The following CFAP99 variants were observed in gnomAD, a reference collection of about 807,000 sequenced individuals.
CFAP99 encodes the protein cilia- and flagella-associated protein 99.
In CFAP99, 84 loss-of-function variants were observed where a neutral mutation model predicts 82.7. The observed-to-expected ratio is 1.02, with a 90% CI of 0.85 to 1.22. The LOEUF is 1.22. Ranked by LOEUF, CFAP99 falls within the 50% of genes most tolerant of loss-of-function variation. CFAP99 has a pLI of 0.00. For missense variants in CFAP99, 1,059 were observed against 983.5 expected, an observed-to-expected ratio of 1.08 and a Z score of -1.03; for synonymous variants, 456 against 429.5, an observed-to-expected ratio of 1.06 and a Z score of -0.76.
chr4:2,450,480 G>T (rs1163919848), intron 8 of CFAP99: 1 of 275,964 alleles, frequency 3.6e-6, no homozygotes, highest in African/African-American at 2.2e-5. Flanking sequence ...CCGCGGGGCT[G>T]CAATGACCGA....
At chr4:2,438,505 G>A (rs1033146149) in intron 4 of CFAP99, among the ~76,000 whole-genome samples, 20 of 151,928 alleles carry the variant, frequency 1.3e-4, no homozygotes, top group Non-Finnish European at 2.5e-4. Context: ...CTCGTGATCC[G>A]CCCGCCTCGG....
At chr4:2,442,700 T>G (rs1265548150) in intron 4 of CFAP99, among the ~76,000 whole-genome samples, 1 of 152,118 alleles carries the variant, frequency 6.6e-6, no homozygotes, top group Non-Finnish European at 1.5e-5. Flanking sequence ...CCCTCCAAGC[T>G]GAGGATGTGC....
At chr4:2,460,748 T>C (rs1734603044) in intron 14 of CFAP99, among the ~76,000 whole-genome samples, 1 of 152,138 alleles carries the variant, frequency 6.6e-6, no homozygotes, top group Non-Finnish European at 1.5e-5. Flanking sequence ...CAACTGTTTT[T>C]TGTTTTTGTT....
At chr4:2,460,430 A>G (rs1039485644) in intron 14 of CFAP99, among the ~76,000 whole-genome samples, 188 bp downstream of exon 14, 1 of 152,192 alleles carries the variant, frequency 6.6e-6, no homozygotes, top group African/African-American at 2.4e-5. Context: ...GAATGGTGCA[A>G]AATTCTGCAT....
intron 6 of CFAP99, among the ~76,000 whole-genome samples, chr4:2,447,666 T>C (rs1029062182): frequency 2.0e-5 from 3 of 147,720 alleles, no homozygotes; most frequent in African/African-American, 2.5e-5. Context: ...GATGGATGGA[T>C]GGACGGATTG....
At position 2,447,867 on chromosome 4, in the gene CFAP99, GGATA is replaced by G. The variant is rs1432898482; in HGVS notation, c.643-1795_643-1792del. 8.7e-5 allele frequency among the ~76,000 whole-genome samples: 13 copies of G among 149,192 alleles called. No individual in the cohort carries two copies. The East Asian group carries it at 1.2e-3, about 14-fold the overall frequency. ...ATGGATGGATGGATGATTAGATTAT[GGATA>G]GATAGATGGATGATGACATGGGTGA... On this transcript the variant is annotated intron_variant, in intron 6 of 14. Transcript: ENST00000635017.
intron 13 of CFAP99, among the ~76,000 whole-genome samples, chr4:2,459,782 G>A (rs1381480178): frequency 1.3e-5 from 2 of 152,220 alleles, no homozygotes; most frequent in Admixed American, 1.3e-4. Flanking sequence ...TGGCTGGGGA[G>A]ATAGTCATGA....
At chr4:2,459,964 G>C in intron 13 of CFAP99, 73 bp from the exon 14 acceptor site, 2 of 1,388,510 alleles carry the variant, frequency 1.4e-6, no homozygotes, top group Non-Finnish European at 9.9e-7. Flanking sequence ...TATGGAACAG[G>C]GGAGGGATCC....
In CFAP99 at chr4:2,436,886, C is replaced by T; in HGVS notation, c.124C>T (p.Gln42Ter). 2.6e-6 allele frequency: 4 copies of T among 1,536,032 alleles called. No homozygotes were observed. The highest frequency in any genetic ancestry group is 3.5e-6 in the Non-Finnish European group (4 of 1,146,838). Residue 42 changes from glutamine (Q) to a stop codon, truncating the protein, a stop_gained, in exon 3 of 15, where the codon CAG (glutamine) becomes TAG (stop). Transcript: ENST00000635017. LOFTEE classifies it high-confidence loss of function. ...GTCTCTCTTCCAGGCTCTGAGCCCC[C>T]AGAAGCAGAGCTTTGTTTTGGAGGT...
chr4:2,462,604 G>A lies in CFAP99; in HGVS notation c.1823G>A (p.Arg608Gln), dbSNP rs1441015725. The A allele has an allele frequency of 2.8e-6, 4 of 1,406,188 alleles. No homozygotes were observed. Among genetic ancestry groups the A allele is most frequent in the South Asian group, 1.5e-5 (1 of 66,694 alleles). 87.1% of individuals were successfully genotyped at this position (1,406,188 alleles called of 1,614,324 possible). The change falls in exon 15 of 15, where the codon CGG (arginine) becomes CAG (glutamine). Residue 608 changes from arginine to glutamine, a missense_variant. Coordinates refer to ENST00000635017, the Ensembl canonical transcript of CFAP99. The surrounding 1 kb of genome is among the most constrained non-coding windows in gnomAD (Gnocchi z 4.1). The stretch of plus-strand genomic sequence containing the variant: ...CCGCGGACCGCGCGCCCCAAGCCCC[G>A]GGTGAGTCCGGATTGGTGGGAGGAG...
At chr4:2,426,063 C>T (rs752037967) in intron 1 of CFAP99, among the ~76,000 whole-genome samples, 13 of 152,214 alleles carry the variant, frequency 8.5e-5, no homozygotes, top group Admixed American at 3.9e-4. Context: ...GAGGCTGTTT[C>T]GAGAGGTGCC....
chr4:2,434,191 C>T (rs936623952), intron 2 of CFAP99, among the ~76,000 whole-genome samples: 2 of 152,150 alleles, frequency 1.3e-5, no homozygotes, highest in South Asian at 2.1e-4. Flanking sequence ...CCCCAGTATC[C>T]GGGAAAGGCC....
Position 2,434,826 on chromosome 4 carries a change from A to G in CFAP99, c.112-2048A>G, listed in dbSNP as rs1733876022. 1.3e-5 allele frequency among the ~76,000 whole-genome samples: 2 copies of G among 152,222 alleles called. 1 individual carries two copies. The highest frequency in any genetic ancestry group is 4.8e-5 in the African/African-American group (2 of 41,460). On this transcript the variant is annotated intron_variant, in intron 2 of 14. Transcript: ENST00000635017. Reference sequence around the variant, plus strand: ...AGAGCTGCTGAAGCCTGTAGTTCTCAGGCCTCCAGCCCCTGCACTGCAGGG... The same window carrying G: ...AGAGCTGCTGAAGCCTGTAGTTCTCGGGCCTCCAGCCCCTGCACTGCAGGG...
intron 14 of CFAP99, among the ~76,000 whole-genome samples, chr4:2,461,435 AGGG>A (rs1734618426): frequency 6.6e-6 from 1 of 152,180 alleles, no homozygotes; most frequent in South Asian, 2.1e-4. Flanking sequence ...TGGTCCTTGG[AGGG>A]GCCGCTGCTC....
At position 2,460,089 on chromosome 4, in the gene CFAP99, G is replaced by A. The variant is rs536244582; in HGVS notation, c.1508G>A (p.Arg503Gln). 1.1e-4 allele frequency: 162 copies of A among 1,536,082 alleles called. No homozygotes were observed. The highest frequency in any genetic ancestry group is 1.7e-4 in the Middle Eastern group (1 of 5,988). Reference sequence around the variant, plus strand: ...ATGTCCATAGTGGAGCTGCGAGAGCGGCTGGCCCTGCTCAAAGAGAATCAG... The same window carrying A: ...ATGTCCATAGTGGAGCTGCGAGAGCAGCTGGCCCTGCTCAAAGAGAATCAG... Residue 503 changes from arginine to glutamine, a missense_variant, in exon 14 of 15, where the codon CGG (arginine) becomes CAG (glutamine). By Grantham distance (43) the Arg-to-Gln change is conservative. Coordinates refer to ENST00000635017, the Ensembl canonical transcript of CFAP99.
At chr4:2,449,131 C>T (rs1017632635) in intron 6 of CFAP99, among the ~76,000 whole-genome samples, 15 of 152,106 alleles carry the variant, frequency 9.9e-5, no homozygotes, top group South Asian at 4.1e-4. Context: ...ATATCTAGGC[C>T]GGCCCCCTCC....
rs1465843989 is a variant in CFAP99 at position 2,438,108 on chromosome 4, G to A, written c.295G>A (p.Gly99Ser). The A allele has an allele frequency of 1.6e-5, 25 of 1,535,566 alleles. 1 individual carries two copies. In the East Asian group the frequency reaches 1.7e-4, roughly 11 times the overall value. Residue 99 changes from glycine to serine, a missense_variant, in exon 4 of 15, where the codon GGC becomes AGC. Physicochemically the swap from Gly to Ser is moderately conservative, Grantham distance 56. Coordinates refer to ENST00000635017, the Ensembl canonical transcript of CFAP99. ...AGCCACATTCCTGCTGGAGGAACTC[G>A]GCTTCCAGCTATTCTGTAACATCAT...
At chr4:2,422,492 CA>C (rs1274920945) in intron 1 of CFAP99, among the ~76,000 whole-genome samples, 1 of 152,170 alleles carries the variant, frequency 6.6e-6, no homozygotes, top group Non-Finnish European at 1.5e-5. Flanking sequence ...TTTGCATCAC[CA>C]AAGGGTACCT....
intron 2 of CFAP99, chr4:2,428,697 G>GC (rs1394410806): frequency 1.3e-5 from 2 of 152,684 alleles, no homozygotes; most frequent in Non-Finnish European, 2.9e-5. Context: ...TCACCTGGCA[G>GC]CCACTCCTTC....
Sources: allele counts gnomAD v4.1 joint callset (sites outside exome capture counted in the v4.1 genomes callset), GRCh38; gene constraint gnomAD v4.1.1; non-coding constraint Gnocchi (gnomAD v3.1); transcripts MANE v1.5; gene names NCBI Gene and HGNC (gene_info 2026-07-23, HGNC 2026-07-21).